The following PREPL variants were observed in gnomAD, a reference collection of about 807,000 sequenced individuals.
The protein encoded by PREPL is prolyl endopeptidase like, also known as prolyl endopeptidase-like.
Under a neutral mutation model 70.6 loss-of-function variants are expected in PREPL, and 77 were observed. The ratio of observed to expected loss-of-function variants is 1.09; its 90% CI spans 0.91 to 1.32. The LOEUF (loss-of-function observed/expected upper bound fraction) is 1.32. PREPL is among the 40% of genes most tolerant of loss of function. The probability of loss-of-function intolerance (pLI) is 0.00; values close to 1 mark genes in which losing one functional copy is unlikely to be tolerated. For synonymous variants in PREPL, 315 were observed against 264.8 expected (o/e 1.19, Z -1.84); for missense variants, 1,002 against 778.2 (o/e 1.29, Z -3.42).
intron 1 of PREPL, among the ~76,000 whole-genome samples, chr2:44,348,233 G>A (rs1432796967): frequency 6.6e-6 from 1 of 152,010 alleles, no homozygotes; most frequent in Non-Finnish European, 1.5e-5. Context: ...ATCAAATACT[G>A]GAGGCTTATA....
intron 5 of PREPL, among the ~76,000 whole-genome samples, chr2:44,340,000 GTTATAT>G (rs1240277942): frequency 1.3e-5 from 2 of 151,614 alleles, no homozygotes; most frequent in East Asian, 1.9e-4. Context: ...TTCCTTCTAA[GTTATAT>G]TTATATTTCA....
chr2:44,361,763 A>T (rs1186656670), upstream of PREPL: 2 of 553,416 alleles, frequency 3.6e-6, no homozygotes, highest in Non-Finnish European at 5.6e-6. Flanking sequence ...CAGCTCTCTC[A>T]TCCTCTGGTC....
chr2:44,318,282 G>C lies in PREPL; in HGVS notation c.*3074C>G, dbSNP rs540702103. On this transcript the variant is annotated 3_prime_UTR_variant, in exon 14 of 14. Transcript: ENST00000409411. The stretch of plus-strand genomic sequence containing the variant: ...ATTTCTGTATTTTTTAGTAGAGATG[G>C]TGTTTCACCATGTTGGCCAGGCTGG... 4 of 273,812 alleles carry C rather than the reference G, an allele frequency of 1.5e-5. No individual in the cohort carries two copies. The highest frequency in any genetic ancestry group is 2.9e-5 in the Non-Finnish European group (4 of 136,008). 17.0% of individuals were successfully genotyped at this position (273,812 alleles called of 1,614,324 possible). A position where few individuals can be genotyped will look rare whatever the true frequency, so the allele number is the denominator to read the frequency against.
In PREPL at chr2:44,320,538, A is replaced by G. The variant is rs1374299303; in HGVS notation, c.*818T>C. 2.5e-6 allele frequency: 4 copies of G among 1,614,132 alleles called. No homozygotes were observed. Among genetic ancestry groups the G allele is most frequent in the Non-Finnish European group, 3.4e-6 (4 of 1,179,968 alleles). ...GGGACTCATCTTTGAACACAACACG[A>G]AGAATCTCCTTCATCGCCAAACAGC... On this transcript the variant is annotated 3_prime_UTR_variant, in exon 14 of 14. Coordinates refer to ENST00000409411, the MANE Select transcript of PREPL (RefSeq NM_001171613.2).
Position 44,321,783 on chromosome 2 carries a change from T to C in PREPL, c.1827+44A>G, listed in dbSNP as rs765672123. ...ACTGAAAATGTGAAAACAACATGTATCTAGTTCGGGAATCTGTCCACTGAG... is the reference window on the plus strand; with the variant it reads ...ACTGAAAATGTGAAAACAACATGTACCTAGTTCGGGAATCTGTCCACTGAG... On this transcript the variant is annotated intron_variant, in intron 13 of 13. Transcript: ENST00000409411. The C allele has an allele frequency of 3.7e-6, 6 of 1,613,694 alleles. No homozygotes were observed. In the Admixed American group the frequency reaches 6.7e-5, roughly 18 times the overall value.
intron 7 of PREPL, among the ~76,000 whole-genome samples, chr2:44,334,034 C>A (rs907963422): frequency 1.3e-5 from 2 of 152,148 alleles, no homozygotes; most frequent in Non-Finnish European, 2.9e-5. Context: ...TGGTGTTTTT[C>A]TAAAACTAAT....
intron 9 of PREPL, among the ~76,000 whole-genome samples, chr2:44,327,243 G>A (rs1372135802): frequency 6.6e-6 from 1 of 152,178 alleles, no homozygotes; most frequent in Non-Finnish European, 1.5e-5. Context: ...GACCTTAAAA[G>A]TAGAAACAAA....
At chr2:44,331,560 A>C (rs1167642748) in intron 8 of PREPL, among the ~76,000 whole-genome samples, 8 of 152,104 alleles carry the variant, frequency 5.3e-5, no homozygotes, top group Non-Finnish European at 1.2e-4. Context: ...GCCTCTATAC[A>C]AAATGGAATC....
intron 9 of PREPL, among the ~76,000 whole-genome samples, chr2:44,327,644 T>A (rs1269383389): frequency 1.3e-5 from 2 of 152,070 alleles, no homozygotes; most frequent in Non-Finnish European, 2.9e-5. Context: ...GCAGGTCACT[T>A]GAGGTCAGGA....
upstream of PREPL, chr2:44,361,596 T>C (rs1390754209): frequency 6.0e-6 from 1 of 165,332 alleles, no homozygotes; most frequent in Non-Finnish European, 1.3e-5. Context: ...AACAGGCAGA[T>C]TTCGCCATCT....
In PREPL at chr2:44,319,019, T is replaced by A. The variant is rs113601979; in HGVS notation, c.*2337A>T. 1 of 152,232 alleles carries A rather than the reference T, an allele frequency of 6.6e-6. No individual in the cohort carries two copies. The highest frequency in any genetic ancestry group is 1.5e-5 in the Non-Finnish European group (1 of 68,042). 9.4% of individuals were successfully genotyped at this position (152,232 alleles called of 1,614,324 possible). ...GCTAACACTTACCGGGCACTTCTTA[T>A]GTGAGTGGCACTGAAACATGTGCTT... On this transcript the variant is annotated 3_prime_UTR_variant, in exon 14 of 14. Coordinates refer to ENST00000409411, the MANE Select transcript of PREPL (RefSeq NM_001171613.2).
chr2:44,331,923 A>G (rs1572864159), intron 8 of PREPL, among the ~76,000 whole-genome samples: 1 of 151,610 alleles, frequency 6.6e-6, no homozygotes, highest in East Asian at 1.9e-4. Context: ...GTAAAATAAA[A>G]AGTTTGACAT....
At position 44,317,993 on chromosome 2, in the gene PREPL, T is replaced by TAAAC. The variant is rs1572823541; in HGVS notation, c.*3359_*3362dup. On this transcript the variant is annotated 3_prime_UTR_variant, in exon 14 of 14. Transcript: ENST00000409411. ...AAAGCTTGCAACCCAGCTATAGCTA[T>TAAAC]AAACACAAAAAATGAAGTTATCTTT... 2.9e-6 allele frequency: 1 copy of TAAAC among 340,488 alleles called. No individual in the cohort carries two copies. The highest frequency in any genetic ancestry group is 5.8e-6 in the Non-Finnish European group (1 of 171,766). 21.1% of individuals were successfully genotyped at this position (340,488 alleles called of 1,614,324 possible).
intron 8 of PREPL, among the ~76,000 whole-genome samples, chr2:44,330,725 C>A (rs1249771580): frequency 6.6e-6 from 1 of 152,102 alleles, no homozygotes; most frequent in Non-Finnish European, 1.5e-5. Context: ...GTGAAATTAT[C>A]TGATATATGA....
chr2:44,339,750 A>G (rs888248946), intron 5 of PREPL, among the ~76,000 whole-genome samples: 8 of 152,162 alleles, frequency 5.3e-5, no homozygotes, highest in Non-Finnish European at 1.0e-4. Context: ...TCTCAATCAC[A>G]TGAGTAGATA....
At chr2:44,326,519 G>GC (rs1396735795) in intron 10 of PREPL, among the ~76,000 whole-genome samples, 193 bp downstream of exon 10, 7 of 138,824 alleles carry the variant, frequency 5.0e-5, no homozygotes. Flanking sequence ...TTAATTTCTT[G>GC]CAGAGACAGG....
intron 7 of PREPL, among the ~76,000 whole-genome samples, chr2:44,336,324 T>C (rs1674634599): frequency 6.6e-6 from 1 of 152,098 alleles, no homozygotes; most frequent in East Asian, 1.9e-4. Flanking sequence ...ATACAGAAAA[T>C]GTGGTACATA....
Position 44,342,422 on chromosome 2 carries a change from G to A in PREPL, c.480C>T (p.Asp160=), listed in dbSNP as rs771729591. 1.2e-6 allele frequency: 2 copies of A among 1,610,020 alleles called. No homozygotes were observed. The highest frequency in any genetic ancestry group is 2.2e-5 in the South Asian group (2 of 90,606). The change falls in exon 5 of 14, where the codon GAC becomes GAT. Residue 160 remains aspartate (D), a synonymous_variant. Transcript: ENST00000409411. ...KRNERFYTEK[D]PSYFVFLYLT... is the part of the protein sequence containing the mutation. ...TAATTATATTATTCTAGTACCTTGG[G>A]TCTTTTTCTGTGTAAAAGCGTTCAT...
At position 44,320,982 on chromosome 2, in the gene PREPL, C is replaced by T; in HGVS notation, c.*374G>A. 1 of 398,958 alleles carries T rather than the reference C, an allele frequency of 2.5e-6. No homozygotes were observed. Among genetic ancestry groups the T allele is most frequent in the Non-Finnish European group, 4.6e-6 (1 of 216,846 alleles). The allele number at this position is 398,958 out of a possible 1,614,324, so 24.7% of individuals were successfully genotyped here. A position where few individuals can be genotyped will look rare whatever the true frequency, so the allele number is the denominator to read the frequency against. ...TGCAGTCATAGAAATTAGAGGATGA[C>T]TCACTGCCACAGTGTCTAAAAGCAT... On this transcript the variant is annotated 3_prime_UTR_variant, in exon 14 of 14. Transcript: ENST00000409411.
Sources: allele counts gnomAD v4.1 joint callset (sites outside exome capture counted in the v4.1 genomes callset), GRCh38; gene constraint gnomAD v4.1.1; transcripts MANE v1.5; gene names NCBI Gene and HGNC (gene_info 2026-07-23, HGNC 2026-07-21).